Variants in GALNTL6 observed in about 807,000 individuals in gnomAD.
GALNTL6 encodes the protein polypeptide N-acetylgalactosaminyltransferase like 6, also known as polypeptide N-acetylgalactosaminyltransferase-like 6.
GALNTL6 carries 46 observed loss-of-function variants against 73.7 expected under a neutral mutation model. The observed-to-expected ratio is 0.62, with a 90% CI of 0.49 to 0.80. GALNTL6 has a LOEUF of 0.80. GALNTL6 is among the 30% of genes least tolerant of loss of function. The pLI, the probability that GALNTL6 is intolerant of heterozygous loss-of-function variation, is 0.00. For synonymous variants in GALNTL6, 259 were observed against 263.7 expected (o/e 0.98, Z 0.17); for missense variants, 604 against 755.0 (o/e 0.80, Z 2.34).
chr4:172,403,615 A>G (rs1744116035), intron 5 of GALNTL6, among the ~76,000 whole-genome samples: 1 of 152,094 alleles, frequency 6.6e-6, no homozygotes, highest in Non-Finnish European at 1.5e-5. Context: ...TACAATATAC[A>G]TCATCACTTA....
chr4:172,663,099 G>A (rs1731467352), intron 5 of GALNTL6, among the ~76,000 whole-genome samples: 1 of 152,160 alleles, frequency 6.6e-6, no homozygotes, highest in Non-Finnish European at 1.5e-5. Context: ...GTGGAGGGTG[G>A]AGAATGGTTT....
At chr4:171,874,091 CT>C (rs1736210043) in intron 2 of GALNTL6, among the ~76,000 whole-genome samples, 1 of 152,178 alleles carries the variant, frequency 6.6e-6, no homozygotes, top group Admixed American at 6.5e-5. Context: ...TCCTTTTGCA[CT>C]GATGACTTGT....
At chr4:172,293,346 T>G (rs564671965) in intron 3 of GALNTL6, among the ~76,000 whole-genome samples, 1 of 152,302 alleles carries the variant, frequency 6.6e-6, no homozygotes, top group South Asian at 2.1e-4. Context: ...GCATATGTTC[T>G]TATAAGGCAT....
At chr4:172,849,658 A>G (rs73000152) in intron 7 of GALNTL6, among the ~76,000 whole-genome samples, 3,762 of 152,286 alleles carry the variant, frequency 0.025, 146 homozygotes, top group African/African-American at 0.085. Flanking sequence ...GATAATATTT[A>G]TTTCCCCCAA....
intron 5 of GALNTL6, among the ~76,000 whole-genome samples, chr4:172,574,855 AT>A: frequency 6.6e-6 from 1 of 152,194 alleles, no homozygotes; most frequent in Admixed American, 6.5e-5. Context: ...TTGCATTTAC[AT>A]TTTCCAACAA....
At chr4:172,769,724 C>G (rs889010361) in intron 5 of GALNTL6, among the ~76,000 whole-genome samples, 1 of 152,124 alleles carries the variant, frequency 6.6e-6, no homozygotes, top group African/African-American at 2.4e-5. Context: ...GACTTAATTC[C>G]CAAATAGAGA....
intron 5 of GALNTL6, among the ~76,000 whole-genome samples, chr4:172,481,472 C>T (rs538641653): frequency 1.3e-4 from 20 of 149,834 alleles, no homozygotes; most frequent in Non-Finnish European, 2.8e-4. Flanking sequence ...TTATCTGACC[C>T]CACCCACATC....
At chr4:172,600,437 G>T (rs1398875683) in intron 5 of GALNTL6, among the ~76,000 whole-genome samples, 1 of 152,080 alleles carries the variant, frequency 6.6e-6, no homozygotes, top group Non-Finnish European at 1.5e-5. Flanking sequence ...TTGCTGAATT[G>T]AAAAGAGATA....
chr4:172,251,430 C>T (rs1737868043), intron 3 of GALNTL6, among the ~76,000 whole-genome samples: 1 of 152,050 alleles, frequency 6.6e-6, no homozygotes, highest in Admixed American at 6.6e-5. Context: ...CAAGTTGACC[C>T]ATAAAATTAA....
chr4:172,195,327 C>T (rs1227590735), intron 2 of GALNTL6, among the ~76,000 whole-genome samples: 3 of 152,104 alleles, frequency 2.0e-5, no homozygotes, highest in African/African-American at 7.2e-5. Context: ...TAGACTCCCA[C>T]AGGATAATAG....
chr4:172,487,364 T>TTCCTTCTA (rs2110735392), intron 5 of GALNTL6, among the ~76,000 whole-genome samples: 2 of 130,136 alleles, frequency 1.5e-5, no homozygotes, highest in South Asian at 4.5e-4. Flanking sequence ...CTTTCCTTCT[T>TTCCTTCTA]TCCTTCTTTT....
chr4:172,102,815 A>G (rs6840612), intron 2 of GALNTL6, among the ~76,000 whole-genome samples: 61,658 of 152,064 alleles, frequency 0.41, 13,054 homozygotes, highest in African/African-American at 0.5. Flanking sequence ...CAGATAGATC[A>G]GGGGAGGTCA....
chr4:173,029,314 A>G (rs958314522), intron 12 of GALNTL6, among the ~76,000 whole-genome samples: 7 of 152,180 alleles, frequency 4.6e-5, no homozygotes, highest in Non-Finnish European at 5.9e-5. Context: ...TATTTAATTC[A>G]TTTTACTCAA....
chr4:172,883,641 C>T (rs764032290), intron 8 of GALNTL6, among the ~76,000 whole-genome samples: 7 of 152,222 alleles, frequency 4.6e-5, no homozygotes, highest in Admixed American at 2.0e-4. Context: ...ACCTCCAACA[C>T]TGGGGGCCAC....
At chr4:172,651,874 A>G (rs1484563499) in intron 5 of GALNTL6, among the ~76,000 whole-genome samples, 2 of 152,164 alleles carry the variant, frequency 1.3e-5, no homozygotes, top group Non-Finnish European at 2.9e-5. Flanking sequence ...TTTGAACCAT[A>G]AAGAGTGCTC....
Position 172,229,705 on chromosome 4 carries a change from G to A in GALNTL6, c.188G>A (p.Gly63Asp), listed in dbSNP as rs755755706. ...GDGQFYSWTD[G>D]LRRKDWHDYE... Reference sequence around the variant, plus strand: ...GGGCAATTCTATTCATGGACAGATGGTTTGAGAAGAAAGGACTGGCATGAC... The same window carrying A: ...GGGCAATTCTATTCATGGACAGATGATTTGAGAAGAAAGGACTGGCATGAC... The change falls in exon 3 of 13, where the codon GGT becomes GAT. Residue 63 changes from glycine to aspartate, a missense_variant. By Grantham distance (94) the Gly-to-Asp change is moderately conservative. Around this residue, in one of 5 missense-constraint regions of GALNTL6, gnomAD observed 141 missense variants for 156.6 expected, o/e 0.90. Coordinates refer to ENST00000506823, the MANE Select transcript of GALNTL6 (RefSeq NM_001034845.3). The A allele has an allele frequency of 1.9e-6, 3 of 1,614,018 alleles. No individual in the cohort carries two copies. Among genetic ancestry groups the A allele is most frequent in the Admixed American group, 1.7e-5 (1 of 60,030 alleles).
chr4:172,582,641 C>T (rs1737235327), intron 5 of GALNTL6, among the ~76,000 whole-genome samples: 1 of 151,978 alleles, frequency 6.6e-6, no homozygotes, highest in African/African-American at 2.4e-5. Context: ...AGATTTACTA[C>T]TAGTTTGTGT....
At chr4:172,971,655 T>C (rs549932017) in intron 10 of GALNTL6, among the ~76,000 whole-genome samples, 10 of 152,302 alleles carry the variant, frequency 6.6e-5, no homozygotes, top group African/African-American at 1.9e-4. Flanking sequence ...TAGCCAACTT[T>C]AGTATTGCTT....
intron 3 of GALNTL6, among the ~76,000 whole-genome samples, chr4:172,304,739 T>TTATC (rs1740066486): frequency 6.6e-6 from 1 of 152,140 alleles, no homozygotes; most frequent in Non-Finnish European, 1.5e-5. Context: ...AGATCTCTAT[T>TTATC]TAGATAGACT....
Sources: allele counts gnomAD v4.1 joint callset (sites outside exome capture counted in the v4.1 genomes callset), GRCh38; gene constraint gnomAD v4.1.1; regional missense constraint gnomAD v4.1.1; transcripts MANE v1.5; gene names NCBI Gene and HGNC (gene_info 2026-07-23, HGNC 2026-07-21).